CSMD1: variants seen among roughly 807,000 people sequenced by gnomAD.
CSMD1 encodes the protein CUB and sushi domain-containing protein 1.
Under a neutral mutation model 417.5 loss-of-function variants are expected in CSMD1, and 213 were observed. The ratio of observed to expected loss-of-function variants is 0.51; its 90% CI spans 0.46 to 0.57. CSMD1 has a LOEUF of 0.57. Among genes scored for constraint, CSMD1 ranks in the 20% least tolerant of loss-of-function variants. The pLI is 0.00. For synonymous variants in CSMD1, 2,862 were observed against 1,736.8 expected (o/e 1.65, Z -16.11); for missense variants, 6,923 against 4,529.7 (o/e 1.53, Z -15.17).
At chr8:3,040,496 A>G (rs1181238717) in intron 50 of CSMD1, among the ~76,000 whole-genome samples, 2 of 150,750 alleles carry the variant, frequency 1.3e-5, no homozygotes, top group East Asian at 3.9e-4. Flanking sequence ...AAACATATAT[A>G]TGTATATACA....
intron 42 of CSMD1, among the ~76,000 whole-genome samples, chr8:3,117,202 C>T (rs1343354692): frequency 6.6e-6 from 1 of 152,118 alleles, no homozygotes; most frequent in Non-Finnish European, 1.5e-5. Flanking sequence ...TCTGGAGTAG[C>T]TGGGACTACA....
At chr8:4,343,079 G>A (rs1800572182) in intron 3 of CSMD1, among the ~76,000 whole-genome samples, 1 of 152,046 alleles carries the variant, frequency 6.6e-6, no homozygotes, top group Non-Finnish European at 1.5e-5. Flanking sequence ...ACATCACATG[G>A]TATCTCAGTG....
chr8:4,509,686 C>A (rs1272948276), intron 2 of CSMD1, among the ~76,000 whole-genome samples: 1 of 151,032 alleles, frequency 6.6e-6, no homozygotes, highest in Non-Finnish European at 1.5e-5. Context: ...CACAGTCATG[C>A]TGATAATAGA....
chr8:4,060,772 C>T (rs2130736434), intron 3 of CSMD1, among the ~76,000 whole-genome samples: 1 of 152,040 alleles, frequency 6.6e-6, no homozygotes, highest in African/African-American at 2.4e-5. Context: ...CTATGTGGGA[C>T]CACACAGGAC....
At chr8:3,801,470 A>G (rs763747716) in intron 5 of CSMD1, among the ~76,000 whole-genome samples, 25 of 152,266 alleles carry the variant, frequency 1.6e-4, no homozygotes, top group Non-Finnish European at 3.5e-4. Context: ...GACAGATGAT[A>G]ATAGGCACTG....
intron 3 of CSMD1, among the ~76,000 whole-genome samples, chr8:4,126,017 A>G (rs1802743650): frequency 6.6e-6 from 1 of 152,116 alleles, no homozygotes; most frequent in South Asian, 2.1e-4. Context: ...CCTGCACTCC[A>G]TGGATCAGCT....
At chr8:3,734,194 G>T (rs1488324321) in intron 6 of CSMD1, among the ~76,000 whole-genome samples, 3 of 152,136 alleles carry the variant, frequency 2.0e-5, no homozygotes, top group Non-Finnish European at 1.5e-5. Flanking sequence ...CTGATGCATG[G>T]AATTGGAAGC....
At chr8:3,506,967 T>C (rs1007149973) in intron 10 of CSMD1, among the ~76,000 whole-genome samples, 1 of 152,244 alleles carries the variant, frequency 6.6e-6, no homozygotes, top group African/African-American at 2.4e-5. Flanking sequence ...TAGGAAGTTT[T>C]GCTTATCTTT....
intron 4 of CSMD1, among the ~76,000 whole-genome samples, chr8:4,021,737 A>G (rs1000722504): frequency 1.3e-5 from 2 of 151,984 alleles, no homozygotes; most frequent in Non-Finnish European, 2.9e-5. Context: ...CCCTTTACCT[A>G]TCCCCGTCCC....
At chr8:4,424,707 T>C (rs969628691) in intron 2 of CSMD1, among the ~76,000 whole-genome samples, 2 of 152,016 alleles carry the variant, frequency 1.3e-5, no homozygotes, top group South Asian at 2.1e-4. Context: ...GACCAAACAA[T>C]TGTTCTTCTC....
chr8:3,867,495 G>C (rs957830734), intron 5 of CSMD1, among the ~76,000 whole-genome samples: 17 of 152,138 alleles, frequency 1.1e-4, no homozygotes, highest in African/African-American at 4.1e-4. Flanking sequence ...TGAAGAGGGT[G>C]TCAGAATAAA....
chr8:4,337,430 C>G (rs1800234517), intron 3 of CSMD1, among the ~76,000 whole-genome samples: 3 of 152,122 alleles, frequency 2.0e-5, no homozygotes, highest in Non-Finnish European at 4.4e-5. Flanking sequence ...TCTTAGCCTT[C>G]TCTGTTAAAT....
chr8:4,946,727 G>C (rs1232045689), intron 1 of CSMD1, among the ~76,000 whole-genome samples: 4 of 152,130 alleles, frequency 2.6e-5, no homozygotes, highest in Non-Finnish European at 5.9e-5. Flanking sequence ...TGTGTAGTTG[G>C]TGTACAGTTC....
At chr8:3,712,571 G>T (rs546227595) in intron 6 of CSMD1, among the ~76,000 whole-genome samples, 1 of 152,252 alleles carries the variant, frequency 6.6e-6, no homozygotes, top group East Asian at 1.9e-4. Flanking sequence ...ATCTTCGAAT[G>T]AATGATAAAA....
chr8:3,975,535 G>T (rs984984465), intron 5 of CSMD1, among the ~76,000 whole-genome samples: 1 of 152,142 alleles, frequency 6.6e-6, no homozygotes, highest in East Asian at 1.9e-4. Flanking sequence ...TGCTGCCATG[G>T]CTTCTCCCAC....
chr8:4,573,183 T>TA (rs1798967878), intron 2 of CSMD1, among the ~76,000 whole-genome samples: 1 of 152,210 alleles, frequency 6.6e-6, no homozygotes, highest in South Asian at 2.1e-4. Context: ...TGTGATCCTT[T>TA]GGAGGAGAAG....
chr8:4,616,095 C>G (rs1313135384), intron 2 of CSMD1, among the ~76,000 whole-genome samples: 1 of 152,096 alleles, frequency 6.6e-6, no homozygotes, highest in Non-Finnish European at 1.5e-5. Context: ...CTTGCCTAAG[C>G]CCAAACTATT....
chr8:4,938,929 T>A (rs1312393507), intron 1 of CSMD1, among the ~76,000 whole-genome samples: 1 of 150,374 alleles, frequency 6.7e-6, no homozygotes, highest in Non-Finnish European at 1.5e-5. Context: ...TTGTTAAACT[T>A]TTGTGTGTCT....
At chr8:4,526,730 A>T (rs1290865293) in intron 2 of CSMD1, among the ~76,000 whole-genome samples, 1 of 152,208 alleles carries the variant, frequency 6.6e-6, no homozygotes, top group Non-Finnish European at 1.5e-5. Context: ...ATTTGCTTTC[A>T]TATTTGATAA....
Sources: gnomAD v4.1 joint callset for allele counts (sites outside exome capture counted in the v4.1 genomes callset) on GRCh38, gnomAD v4.1.1 for gene constraint, MANE v1.5 for transcripts, NCBI Gene and HGNC (gene_info 2026-07-23, HGNC 2026-07-21) for gene names.